Variants in AGXT2 observed in about 807,000 individuals in gnomAD.
AGXT2 encodes alanine--glyoxylate aminotransferase 2, also known as alanine--glyoxylate aminotransferase 2, mitochondrial.
AGXT2 carries 61 observed loss-of-function variants against 62.5 expected under a neutral mutation model. The ratio of observed to expected loss-of-function variants is 0.98; its 90% CI spans 0.79 to 1.21. The LOEUF is 1.21. Among genes scored for constraint, AGXT2 ranks in the 50% most tolerant of loss-of-function variants. The pLI, the probability that AGXT2 is intolerant of heterozygous loss-of-function variation, is 0.00. For missense variants in AGXT2, 666 were observed against 641.5 expected (o/e 1.04, Z -0.41); for synonymous variants, 243 against 218.7 (o/e 1.11, Z -0.98).
In AGXT2 at chr5:35,029,334, T is replaced by C. The variant is rs531746407; in HGVS notation, c.770-2824A>G. Among the ~76,000 whole-genome samples, 3 of 152,306 alleles carry C rather than the reference T, an allele frequency of 2.0e-5. No homozygotes were observed. In the South Asian group the frequency reaches 6.2e-4, roughly 32 times the overall value. On this transcript the variant is annotated intron_variant, in intron 7 of 13. Coordinates refer to ENST00000231420, the MANE Select transcript of AGXT2 (RefSeq NM_031900.4). ...ACAAGCCCATTTGTAACTGGAGAAATCAAAGAGTGGAGCTTAAATTTGGGC... is the reference window on the plus strand; with the variant it reads ...ACAAGCCCATTTGTAACTGGAGAAACCAAAGAGTGGAGCTTAAATTTGGGC...
chr5:35,010,403 G>C (rs1029564865), intron 11 of AGXT2, among the ~76,000 whole-genome samples: 1 of 152,218 alleles, frequency 6.6e-6, no homozygotes, highest in African/African-American at 2.4e-5. Flanking sequence ...TAATAGGCCA[G>C]GCATGGTGGC....
At chr5:34,999,151 C>G (rs115785413) in intron 13 of AGXT2, among the ~76,000 whole-genome samples, 83 of 152,308 alleles carry the variant, frequency 5.4e-4, no homozygotes, top group African/African-American at 1.9e-3. Flanking sequence ...TATGTGCAAC[C>G]CAGCAAACTC....
At chr5:35,046,802 G>A (rs768560033) in intron 1 of AGXT2, among the ~76,000 whole-genome samples, 39 of 152,302 alleles carry the variant, frequency 2.6e-4, no homozygotes, top group Middle Eastern at 3.4e-3. Flanking sequence ...TTTACGGCCC[G>A]TGAAGCACAG....
intron 1 of AGXT2, among the ~76,000 whole-genome samples, chr5:35,042,862 G>A (rs912861783): frequency 5.3e-5 from 8 of 151,866 alleles, no homozygotes; most frequent in African/African-American, 1.5e-4. Flanking sequence ...TATTTGTTTT[G>A]TTTTGTCTTA....
At chr5:35,027,954 G>GT (rs1363777630) in intron 7 of AGXT2, among the ~76,000 whole-genome samples, 7 of 151,642 alleles carry the variant, frequency 4.6e-5, no homozygotes, top group African/African-American at 1.7e-4. Context: ...TATGTTCTTG[G>GT]TGGTGTATTT....
intron 1 of AGXT2, among the ~76,000 whole-genome samples, chr5:35,043,803 A>G (rs1451135216): frequency 6.6e-6 from 1 of 152,154 alleles, no homozygotes; most frequent in East Asian, 1.9e-4. Context: ...CGATCCTTCT[A>G]TCTCAGCCTC....
At chr5:35,033,439 G>A in intron 6 of AGXT2, 21 bp downstream of exon 6, 3 of 1,568,884 alleles carry the variant, frequency 1.9e-6, no homozygotes, top group Non-Finnish European at 2.6e-6. Context: ...AAAGAAACAA[G>A]AGAAAAATCT....
intron 8 of AGXT2, 192 bp downstream of exon 8, chr5:35,026,218 G>T: frequency 1.6e-6 from 1 of 635,254 alleles, no homozygotes; most frequent in Non-Finnish European, 2.7e-6. Context: ...TGTCTGGTGA[G>T]AATGGAGGAG....
At chr5:35,020,149 G>A (rs559597341) in intron 9 of AGXT2, among the ~76,000 whole-genome samples, 2 of 152,290 alleles carry the variant, frequency 1.3e-5, no homozygotes, top group South Asian at 2.1e-4. Context: ...GAGGTACAAG[G>A]AGGAACTGGT....
At chr5:35,027,630 G>A (rs549356400) in intron 7 of AGXT2, among the ~76,000 whole-genome samples, 64 of 151,668 alleles carry the variant, frequency 4.2e-4, no homozygotes, top group Admixed American at 1.1e-3. Context: ...TCTTGATTGC[G>A]GAGTTTTGTG....
intron 13 of AGXT2, among the ~76,000 whole-genome samples, chr5:35,002,604 C>T (rs1244643339): frequency 1.3e-5 from 2 of 152,212 alleles, no homozygotes; most frequent in Non-Finnish European, 2.9e-5. Flanking sequence ...CTCTCTTGCC[C>T]CTTCTGCAAT....
intron 6 of AGXT2, 182 bp from the exon 7 acceptor site, chr5:35,033,007 T>C (rs978193638): frequency 1.1e-5 from 7 of 630,300 alleles, no homozygotes; most frequent in South Asian, 3.5e-5. Flanking sequence ...AAATCAGCTA[T>C]GTGGGCCCTC....
intron 12 of AGXT2, among the ~76,000 whole-genome samples, chr5:35,007,591 C>A (rs1766476541): frequency 6.6e-6 from 1 of 152,108 alleles, no homozygotes; most frequent in South Asian, 2.1e-4. Flanking sequence ...AGAGTAATTG[C>A]ATTGAGGGGA....
At chr5:35,038,598 A>G (rs1207006910) in intron 3 of AGXT2, among the ~76,000 whole-genome samples, 1 of 151,160 alleles carries the variant, frequency 6.6e-6, no homozygotes, top group Non-Finnish European at 1.5e-5. Context: ...GAGGGGGGGG[A>G]CTCTTTGCCT....
intron 7 of AGXT2, 31 bp from the exon 8 acceptor site, chr5:35,026,541 A>G: frequency 6.4e-7 from 1 of 1,562,168 alleles, no homozygotes; most frequent in Non-Finnish European, 8.8e-7. Context: ...AACAAAACAA[A>G]CCACAGCATT....
At chr5:35,013,675 A>T (rs1766729993) in intron 10 of AGXT2, among the ~76,000 whole-genome samples, 1 of 152,004 alleles carries the variant, frequency 6.6e-6, no homozygotes, top group African/African-American at 2.4e-5. Context: ...GCAGCTACTC[A>T]GGAGGCTGAG....
chr5:35,026,297 G>T, intron 8 of AGXT2, 113 bp downstream of exon 8: 1 of 887,214 alleles, frequency 1.1e-6, no homozygotes, highest in East Asian at 2.6e-5. Flanking sequence ...AATGAATTTA[G>T]AGAGGGACAC....
chr5:35,016,702 T>G (rs1450665396), intron 9 of AGXT2, among the ~76,000 whole-genome samples: 1 of 152,218 alleles, frequency 6.6e-6, no homozygotes, highest in African/African-American at 2.4e-5. Context: ...ATCTTATTGC[T>G]TGACTTACTG....
At chr5:35,040,031 G>C (rs1024178852) in intron 2 of AGXT2, among the ~76,000 whole-genome samples, 2 of 151,888 alleles carry the variant, frequency 1.3e-5, no homozygotes, top group Non-Finnish European at 2.9e-5. Flanking sequence ...AGGAGTTGCC[G>C]TGTGTGTGTG....
Sources: allele counts gnomAD v4.1 joint callset (sites outside exome capture counted in the v4.1 genomes callset), GRCh38; gene constraint gnomAD v4.1.1; transcripts MANE v1.5; gene names NCBI Gene and HGNC (gene_info 2026-07-23, HGNC 2026-07-21).